Variants in RBM19 observed in about 807,000 individuals in gnomAD.
The protein encoded by RBM19 is probable RNA-binding protein 19.
RBM19 carries 94 observed loss-of-function variants against 116.8 expected under a neutral mutation model. The observed-to-expected ratio is 0.80, with a 90% CI of 0.68 to 0.95. The LOEUF (loss-of-function observed/expected upper bound fraction) is 0.95. Ranked by LOEUF, RBM19 falls within the 40% of genes least tolerant of loss-of-function variation. The pLI, the probability that RBM19 is intolerant of heterozygous loss-of-function variation, is 0.00. For synonymous variants in RBM19, 475 were observed against 494.1 expected (o/e 0.96, Z 0.51); for missense variants, 1,161 against 1,220.7 (o/e 0.95, Z 0.73).
chr12:113,927,811 A>G (rs1380773363), intron 16 of RBM19, among the ~76,000 whole-genome samples: 1 of 152,180 alleles, frequency 6.6e-6, no homozygotes, highest in Non-Finnish European at 1.5e-5. Flanking sequence ...TACATATTAA[A>G]TTCAGAGTTA....
chr12:113,911,743 G>A (rs934062887), intron 21 of RBM19, among the ~76,000 whole-genome samples: 9 of 152,160 alleles, frequency 5.9e-5, no homozygotes, highest in South Asian at 2.1e-4. Context: ...CTACTTTACC[G>A]GGCCACGGTG....
intron 16 of RBM19, among the ~76,000 whole-genome samples, chr12:113,936,040 A>C (rs1419930188): frequency 6.6e-6 from 1 of 151,718 alleles, no homozygotes; most frequent in Non-Finnish European, 1.5e-5. Context: ...AAAAAAACAA[A>C]ACAAAACAAA....
At chr12:113,914,853 G>A (rs1012092212) in intron 21 of RBM19, 116 bp downstream of exon 21, 14 of 852,906 alleles carry the variant, frequency 1.6e-5, no homozygotes, top group Non-Finnish European at 2.5e-5. Context: ...ACCTTTGAAA[G>A]ACCACTGTGC....
At chr12:113,841,242 A>T (rs527572431) in intron 23 of RBM19, among the ~76,000 whole-genome samples, 236 of 152,294 alleles carry the variant, frequency 1.5e-3, no homozygotes, top group African/African-American at 5.5e-3. Flanking sequence ...ATGCTGTGCC[A>T]ATTCTGAAGG....
At chr12:113,954,397 G>T (rs1871732585) in intron 7 of RBM19, among the ~76,000 whole-genome samples, 1 of 152,160 alleles carries the variant, frequency 6.6e-6, no homozygotes, top group Non-Finnish European at 1.5e-5. Context: ...ACGTCACTGG[G>T]TAGATACAAG....
At chr12:113,882,218 A>G (rs1880189024) in intron 21 of RBM19, among the ~76,000 whole-genome samples, 1 of 151,982 alleles carries the variant, frequency 6.6e-6, no homozygotes, top group East Asian at 1.9e-4. Context: ...AAGAAAGAGA[A>G]CCCCATTCCT....
At chr12:113,861,046 C>T (rs1421430693) in intron 21 of RBM19, among the ~76,000 whole-genome samples, 2 of 152,228 alleles carry the variant, frequency 1.3e-5, no homozygotes, top group Non-Finnish European at 2.9e-5. Flanking sequence ...TCCCATGTTA[C>T]AGATGAAGAA....
At chr12:113,920,981 A>G (rs944126124) in intron 18 of RBM19, among the ~76,000 whole-genome samples, 5 of 152,172 alleles carry the variant, frequency 3.3e-5, no homozygotes, top group Non-Finnish European at 7.3e-5. Context: ...AGGGAGACTG[A>G]CCTAAGAGAG....
chr12:113,931,086 T>C (rs1328642723), intron 16 of RBM19, among the ~76,000 whole-genome samples: 1 of 152,210 alleles, frequency 6.6e-6, no homozygotes, highest in Non-Finnish European at 1.5e-5. Flanking sequence ...TACCAAATTT[T>C]AAAAGGACGA....
At chr12:113,864,730 A>C (rs1878679556) in intron 21 of RBM19, among the ~76,000 whole-genome samples, 1 of 152,184 alleles carries the variant, frequency 6.6e-6, no homozygotes, top group South Asian at 2.1e-4. Context: ...TATCATCTAA[A>C]ATTCTCACTT....
At chr12:113,878,885 C>T (rs1325853826) in intron 21 of RBM19, among the ~76,000 whole-genome samples, 2 of 148,990 alleles carry the variant, frequency 1.3e-5, no homozygotes, top group African/African-American at 2.5e-5. Flanking sequence ...AGGAGATGTA[C>T]GTATGTGTCT....
At chr12:113,877,557 TGA>T (rs1879758809) in intron 21 of RBM19, among the ~76,000 whole-genome samples, 2 of 152,194 alleles carry the variant, frequency 1.3e-5, no homozygotes, top group Admixed American at 1.3e-4. Context: ...GGTAAGCTAC[TGA>T]AGTTTGAGGC....
In RBM19 at chr12:113,937,006, C is replaced by T; in HGVS notation, c.2068+1G>A. 6.2e-7 allele frequency: 1 copy of T among 1,613,790 alleles called. No individual in the cohort carries two copies. Among genetic ancestry groups the T allele is most frequent in the Non-Finnish European group, 8.5e-7 (1 of 1,179,900 alleles). ...ATCCTGGTCTCAGACTCAGCTCTTA[C>T]CTGTTTCTGGCTCTGCTGGGTCCTT... On this transcript the variant is annotated splice_donor_variant, in intron 16 of 23. Coordinates refer to ENST00000261741, the MANE Select transcript of RBM19 (RefSeq NM_016196.4). LOFTEE classifies it high-confidence loss of function.
At chr12:113,865,963 A>T (rs1209050854) in intron 21 of RBM19, among the ~76,000 whole-genome samples, 1 of 152,208 alleles carries the variant, frequency 6.6e-6, no homozygotes, top group Non-Finnish European at 1.5e-5. Context: ...CCTGGCCAAG[A>T]TGCAGACACA....
intron 20 of RBM19, among the ~76,000 whole-genome samples, chr12:113,915,568 G>GC (rs1882723808): frequency 6.6e-6 from 1 of 152,188 alleles, no homozygotes; most frequent in South Asian, 2.1e-4. Context: ...CCAATGCAGT[G>GC]CTACCTGGCC....
At chr12:113,918,717 G>A (rs761610518) in intron 19 of RBM19, among the ~76,000 whole-genome samples, 65 of 152,248 alleles carry the variant, frequency 4.3e-4, no homozygotes, top group Non-Finnish European at 7.1e-4. Flanking sequence ...CAAGGGACAC[G>A]GAATTTTCCA....
chr12:113,944,346 C>T (rs1469321661), intron 13 of RBM19, among the ~76,000 whole-genome samples: 1 of 151,886 alleles, frequency 6.6e-6, no homozygotes, highest in Admixed American at 6.6e-5. Flanking sequence ...GATCCACCTG[C>T]CTCAGCCTTC....
In RBM19 at chr12:113,915,095, TGG is replaced by T; in HGVS notation, c.2442-12_2442-11del. ...CAATGTCACGGCTGGCCTGGAGTGG[TGG>T]GGGGAGAGGGTCCAAGTTATTCGGA... On this transcript the variant is annotated splice_polypyrimidine_tract_variant and intron_variant, in intron 20 of 23. Coordinates refer to ENST00000261741, the MANE Select transcript of RBM19 (RefSeq NM_016196.4). 6.2e-7 allele frequency: 1 copy of T among 1,610,486 alleles called. No homozygotes were observed. Among genetic ancestry groups the T allele is most frequent in the South Asian group, 1.1e-5 (1 of 90,970 alleles).
At chr12:113,851,734 GTTTTTTT>G (rs11361920) in intron 22 of RBM19, among the ~76,000 whole-genome samples, 1 of 144,226 alleles carries the variant, frequency 6.9e-6, no homozygotes, top group Admixed American at 6.9e-5. Context: ...TTGTGGTAAA[GTTTTTTT>G]TTTTTTTTTT....
Sources: allele counts gnomAD v4.1 joint callset (sites outside exome capture counted in the v4.1 genomes callset), GRCh38; gene constraint gnomAD v4.1.1; transcripts MANE v1.5; gene names NCBI Gene and HGNC (gene_info 2026-07-23, HGNC 2026-07-21).